Variants in RCHY1 observed in about 807,000 individuals in gnomAD.
RCHY1 encodes RING finger and CHY zinc finger domain-containing protein 1.
RCHY1 carries 21 observed loss-of-function variants against 41.6 expected under a neutral mutation model. That is an observed-to-expected ratio of 0.51 (90% CI 0.36 to 0.73). The LOEUF (loss-of-function observed/expected upper bound fraction) is 0.73. Among genes scored for constraint, RCHY1 ranks in the 30% least tolerant of loss-of-function variants. The pLI is 0.00. For missense variants in RCHY1, 265 were observed against 325.3 expected, an observed-to-expected ratio of 0.81 and a Z score of 1.43; for synonymous variants, 79 against 102.9, an observed-to-expected ratio of 0.77 and a Z score of 1.41.
At chr4:75,506,626 T>C (rs749984121) in intron 3 of RCHY1, among the ~76,000 whole-genome samples, 1 of 146,738 alleles carries the variant, frequency 6.8e-6, no homozygotes, top group Non-Finnish European at 1.5e-5. Context: ...AAAATCAAAG[T>C]AGGAGAAATA....
At chr4:75,498,102 A>C (rs1286408360) in intron 3 of RCHY1, among the ~76,000 whole-genome samples, 1 of 151,030 alleles carries the variant, frequency 6.6e-6, no homozygotes, top group African/African-American at 2.4e-5. Flanking sequence ...ATAAAATCAA[A>C]AAAAAATGTA....
At position 75,482,427 on chromosome 4, in the gene RCHY1, A is replaced by G; in HGVS notation, c.*111T>C. On this transcript the variant is annotated 3_prime_UTR_variant, in exon 9 of 9. Coordinates refer to ENST00000324439, the MANE Select transcript of RCHY1 (RefSeq NM_015436.4). Reference sequence around the variant, plus strand: ...TATGATTTTATGCTGTGACACTAGTACAAAACACATCAACTCTAATGCATA... The same window carrying G: ...TATGATTTTATGCTGTGACACTAGTGCAAAACACATCAACTCTAATGCATA... 1 of 1,001,888 alleles carries G rather than the reference A, an allele frequency of 1.0e-6. No individual in the cohort carries two copies. The highest frequency in any genetic ancestry group is 1.4e-6 in the Non-Finnish European group (1 of 715,168). The allele number at this position is 1,001,888 out of a possible 1,614,324, so 62.1% of individuals were successfully genotyped here. A position where few individuals can be genotyped will look rare whatever the true frequency, so the allele number is the denominator to read the frequency against.
At chr4:75,507,384 T>C (rs1724422108) in intron 3 of RCHY1, among the ~76,000 whole-genome samples, 1 of 150,464 alleles carries the variant, frequency 6.6e-6, no homozygotes. Flanking sequence ...CTATAGAGAA[T>C]AAAAGCAAAT....
intron 3 of RCHY1, among the ~76,000 whole-genome samples, chr4:75,498,404 G>A (rs1040071233): frequency 7.2e-6 from 1 of 138,258 alleles, no homozygotes; most frequent in East Asian, 2.1e-4. Context: ...AGAAAGGAAG[G>A]AAGGAAGAGA....
chr4:75,501,972 G>A (rs1239706194), intron 3 of RCHY1, among the ~76,000 whole-genome samples: 1 of 151,978 alleles, frequency 6.6e-6, no homozygotes, highest in African/African-American at 2.4e-5. Flanking sequence ...CAGCTACTCG[G>A]GAGGCTGAGG....
intron 3 of RCHY1, among the ~76,000 whole-genome samples, chr4:75,507,925 G>C (rs1724483256): frequency 6.6e-6 from 1 of 152,058 alleles, no homozygotes; most frequent in East Asian, 1.9e-4. Context: ...TAATTTGGAG[G>C]GGGCACACAG....
intron 8 of RCHY1, among the ~76,000 whole-genome samples, chr4:75,487,692 C>CATATATATATATTCATAATATATATTCAT (rs1295285460): frequency 1.7e-5 from 1 of 59,134 alleles, no homozygotes; most frequent in Non-Finnish European, 2.8e-5. Context: ...TATATATATT[C>CATATATATATATTCATAATATATATTCAT]ATATATATAT....
At chr4:75,487,275 C>CT (rs77217682) in intron 8 of RCHY1, among the ~76,000 whole-genome samples, 98,277 of 150,352 alleles carry the variant, frequency 0.65, 32,705 homozygotes, top group African/African-American at 0.78. Context: ...TTTTTGTTTA[C>CT]TTTTGGGTAA....
At chr4:75,505,561 T>A (rs1220796010) in intron 3 of RCHY1, among the ~76,000 whole-genome samples, 1 of 151,690 alleles carries the variant, frequency 6.6e-6, no homozygotes. Context: ...AAAGTGAAAA[T>A]GAATTAGAGT....
intron 3 of RCHY1, among the ~76,000 whole-genome samples, chr4:75,497,587 T>C (rs1723333884): frequency 6.7e-6 from 1 of 148,636 alleles, no homozygotes; most frequent in South Asian, 2.1e-4. Context: ...AATTAAACTC[T>C]GTTAAGTTTA....
Position 75,514,235 on chromosome 4 carries a change from G to A in RCHY1, c.52C>T (p.Arg18Trp). ...CCTCTGTCATAGTGCTCGCAGCCCC[G>A]CTGACCTCGCTCTTGACCGCTGGCG... is the stretch of plus-strand genomic sequence containing the variant. ...DGASGQERGQ[R>W]GCEHYDRGCL... Residue 18 changes from arginine (R) to tryptophan (W), a missense_variant, in exon 1 of 9, where the codon CGG becomes TGG. By Grantham distance (101) the Arg-to-Trp change is moderately radical (BLOSUM62 -3). Coordinates refer to ENST00000324439, the MANE Select transcript of RCHY1 (RefSeq NM_015436.4). 4 of 1,612,806 alleles carry A rather than the reference G, an allele frequency of 2.5e-6. No individual in the cohort carries two copies. The highest frequency in any genetic ancestry group is 3.4e-6 in the Non-Finnish European group (4 of 1,178,952).
intron 8 of RCHY1, among the ~76,000 whole-genome samples, chr4:75,487,417 T>C (rs1240686570): frequency 6.9e-6 from 1 of 145,424 alleles, no homozygotes; most frequent in Non-Finnish European, 1.5e-5. Flanking sequence ...TTAATTCTCA[T>C]ATTGGCTATA....
intron 3 of RCHY1, among the ~76,000 whole-genome samples, chr4:75,501,718 A>G (rs1723778909): frequency 6.6e-6 from 1 of 152,248 alleles, no homozygotes; most frequent in African/African-American, 2.4e-5. Context: ...AAAGGATTCT[A>G]TAATCAAATA....
At chr4:75,499,859 G>C (rs1412235176) in intron 3 of RCHY1, among the ~76,000 whole-genome samples, 1 of 152,218 alleles carries the variant, frequency 6.6e-6, no homozygotes, top group African/African-American at 2.4e-5. Context: ...GTGTTTGATA[G>C]ACCAGTAGGG....
intron 8 of RCHY1, 42 bp downstream of exon 8, chr4:75,490,539 C>T (rs771621543): frequency 1.9e-6 from 3 of 1,555,278 alleles, no homozygotes; most frequent in African/African-American, 2.8e-5. Flanking sequence ...ATAAGAGTGC[C>T]AACAAGGAGT....
At position 75,480,998 on chromosome 4, in the gene RCHY1, T is replaced by G. The variant is rs928539476; in HGVS notation, c.*1540A>C. 2.0e-5 allele frequency: 3 copies of G among 152,168 alleles called. No homozygotes were observed. The highest frequency in any genetic ancestry group is 2.9e-5 in the Non-Finnish European group (2 of 68,046). 9.4% of individuals were successfully genotyped at this position (152,168 alleles called of 1,614,324 possible). A position where few individuals can be genotyped will look rare whatever the true frequency, so the allele number is the denominator to read the frequency against. On this transcript the variant is annotated 3_prime_UTR_variant, in exon 9 of 9. Coordinates refer to ENST00000324439, the MANE Select transcript of RCHY1 (RefSeq NM_015436.4). ...AGAGCAAAACCACTTCAAAAAAAAGTATTAGATCTGGAAAACTAGTCTTTA... is the reference window on the plus strand; with the variant it reads ...AGAGCAAAACCACTTCAAAAAAAAGGATTAGATCTGGAAAACTAGTCTTTA...
In RCHY1 at chr4:75,487,615, AATATATATATTCATAAT is replaced by A. The variant is rs1340095577; in HGVS notation, c.657+2949_657+2965del. 2.0e-3 allele frequency among the ~76,000 whole-genome samples: 80 copies of A among 39,932 alleles called. 5 individuals are homozygous for A. The highest frequency in any genetic ancestry group is 0.01 in the East Asian group (15 of 1,466). The allele number at this position is 39,932 out of a possible 152,430, so 26.2% of individuals were successfully genotyped here. A position where few individuals can be genotyped will look rare whatever the true frequency, so the allele number is the denominator to read the frequency against. ...ATAATATATATTCATATATATTCATAATATATATATTCATAATATATATATTCATATATATTCATAAT... is the reference window on the plus strand; with the variant it reads ...ATAATATATATTCATATATATTCATAATATATATTCATATATATTCATAAT... On this transcript the variant is annotated intron_variant, in intron 8 of 8. Transcript: ENST00000324439.
At chr4:75,506,861 A>AT (rs1434047666) in intron 3 of RCHY1, among the ~76,000 whole-genome samples, 1 of 152,162 alleles carries the variant, frequency 6.6e-6, no homozygotes, top group African/African-American at 2.4e-5. Context: ...AAATACTAAC[A>AT]ACCAATGACT....
intron 3 of RCHY1, 65 bp from the exon 4 acceptor site, chr4:75,494,244 A>G: frequency 8.7e-7 from 1 of 1,147,374 alleles, no homozygotes; most frequent in Non-Finnish European, 1.3e-6. Flanking sequence ...TTTGTTCATT[A>G]TGTAAAACAC....
Sources: gnomAD v4.1 joint callset for allele counts (sites outside exome capture counted in the v4.1 genomes callset) on GRCh38, gnomAD v4.1.1 for gene constraint, MANE v1.5 for transcripts, NCBI Gene and HGNC (gene_info 2026-07-23, HGNC 2026-07-21) for gene names.